Variants in PHACTR2 observed in about 807,000 individuals in gnomAD.
The protein encoded by PHACTR2 is phosphatase and actin regulator 2.
Under a neutral mutation model 76.0 loss-of-function variants are expected in PHACTR2, and 30 were observed. The observed-to-expected ratio is 0.39, with a 90% CI of 0.30 to 0.54. The LOEUF is 0.54. PHACTR2 is among the 20% of genes least tolerant of loss of function. The probability of loss-of-function intolerance (pLI) is 0.61; values close to 1 mark genes in which losing one functional copy is unlikely to be tolerated. For missense variants in PHACTR2, 696 were observed against 781.1 expected (o/e 0.89, Z 1.30); for synonymous variants, 292 against 292.5 (o/e 1.00, Z 0.02).
Position 143,765,933 on chromosome 6 carries a change from C to T in PHACTR2, c.1232+135C>T. 3 of 737,928 alleles carry T rather than the reference C, an allele frequency of 4.1e-6. No homozygotes were observed. The highest frequency in any genetic ancestry group is 3.8e-5 in the South Asian group (2 of 52,156). 45.7% of individuals were successfully genotyped at this position (737,928 alleles called of 1,614,324 possible). The stretch of plus-strand genomic sequence containing the variant: ...GTGTTAGGTAGGCATACATGTGATC[C>T]AACCATTGCTTTGTCAGAGCCCTGC... On this transcript the variant is annotated intron_variant, in intron 6 of 12. Transcript: ENST00000440869. This position sits in a 1 kb window ranked among gnomAD's most constrained non-coding sequence, Gnocchi z 4.1.
rs1486801042 is a variant in PHACTR2, at chr6:143,731,372, C to T, written c.215-17613C>T. Among the ~76,000 whole-genome samples the T allele has an allele frequency of 6.6e-6, 1 of 152,122 alleles. No individual in the cohort carries two copies. The highest frequency in any genetic ancestry group is 1.5e-5 in the Non-Finnish European group (1 of 68,026). ...GCACGGTCTTGGCTCACAGCAACCT[C>T]CGCCTCCCAGGTTCAAGTGATTCTC... On this transcript the variant is annotated intron_variant, in intron 2 of 12. Coordinates refer to ENST00000440869, the MANE Select transcript of PHACTR2 (RefSeq NM_001100164.2). This position sits in a 1 kb window ranked among gnomAD's most constrained non-coding sequence, Gnocchi z 4.9.
chr6:143,575,188 C>T (rs1358735407), intron 1 of PHACTR2, among the ~76,000 whole-genome samples: 2 of 152,144 alleles, frequency 1.3e-5, no homozygotes, highest in Non-Finnish European at 2.9e-5. Flanking sequence ...GAATTAATTT[C>T]TCCATATTGT....
chr6:143,814,154 G>C (rs192067818), intron 12 of PHACTR2, among the ~76,000 whole-genome samples: 50 of 152,238 alleles, frequency 3.3e-4, no homozygotes, highest in Admixed American at 9.2e-4. Context: ...TCAGGAGTTC[G>C]AGACGAGCTT....
Position 143,788,872 on chromosome 6 carries a change from G to A in PHACTR2, c.1807G>A (p.Ala603Thr), listed in dbSNP as rs1291676165. Residue 603 changes from alanine (A) to threonine (T), a missense_variant, in exon 11 of 13, where the codon GCA becomes ACA. Transcript: ENST00000440869. ...VTDSPDYDRR[A>T]DKPWARLTPA... is the part of the protein sequence containing the mutation. ...GGATTCTCCTGACTATGACCGCCGA[G>A]CAGACAAGCCCTGGGCCAGGTTAAC... 2.5e-6 allele frequency: 4 copies of A among 1,613,534 alleles called. No homozygotes were observed. The highest frequency in any genetic ancestry group is 3.4e-6 in the Non-Finnish European group (4 of 1,179,614).
rs117967381 is a variant in PHACTR2 at position 143,780,649 on chromosome 6, C to G, written c.1646-2570C>G. Among the ~76,000 whole-genome samples, 72 of 152,306 alleles carry G rather than the reference C, an allele frequency of 4.7e-4. No homozygotes were observed. In the East Asian group the frequency reaches 0.014, roughly 29 times the overall value. ...AAAATTCTCTGGGTAACATTGCTCG[C>G]TAGGCGGGTTTCCTGTGGTGCTTGC... is the stretch of plus-strand genomic sequence containing the variant. On this transcript the variant is annotated intron_variant, in intron 9 of 12. Transcript: ENST00000440869. This position sits in a 1 kb window ranked among gnomAD's most constrained non-coding sequence, Gnocchi z 4.4.
rs1259384977 is a variant in PHACTR2, at chr6:143,679,996, G to GT, written c.46+1793dup. ...CCAATCCATACATCATAAATACAGG[G>GT]TTTTTTATTTTTCAGTTAAGGAATG... On this transcript the variant is annotated intron_variant, in intron 1 of 12. Coordinates refer to ENST00000440869, the MANE Select transcript of PHACTR2 (RefSeq NM_001100164.2). This position sits in a 1 kb window ranked among gnomAD's most constrained non-coding sequence, Gnocchi z 4.6. Among the ~76,000 whole-genome samples, 1 of 152,050 alleles carries GT rather than the reference G, an allele frequency of 6.6e-6. No homozygotes were observed. The highest frequency in any genetic ancestry group is 1.5e-5 in the Non-Finnish European group (1 of 67,994).
rs113400573 is a variant in PHACTR2, at chr6:143,744,370, A to T, written c.215-4615A>T. ...AAATACACATATTTTTTCAAAGCCA[A>T]CAGCCTGCAAGTCAACGTTGGGGAC... On this transcript the variant is annotated intron_variant, in intron 2 of 12. Coordinates refer to ENST00000440869, the MANE Select transcript of PHACTR2 (RefSeq NM_001100164.2). Among the ~76,000 whole-genome samples, 1,017 of 152,320 alleles carry T rather than the reference A, an allele frequency of 6.7e-3. 5 individuals are homozygous for T. Among genetic ancestry groups the T allele is most frequent in the Non-Finnish European group, 0.01 (710 of 68,024 alleles).
At chr6:143,771,228 A>ATATATATG in intron 6 of PHACTR2, among the ~76,000 whole-genome samples, 1 of 99,556 alleles carries the variant, frequency 1.0e-5, no homozygotes, top group Non-Finnish European at 1.9e-5. Context: ...ATATATATAT[A>ATATATATG]TATATATGCT....
chr6:143,779,983 A>G (rs1490090315), intron 9 of PHACTR2, among the ~76,000 whole-genome samples: 2 of 149,484 alleles, frequency 1.3e-5, no homozygotes, highest in African/African-American at 2.4e-5. Context: ...GTTCCTAAAA[A>G]CTGATAAAAT....
rs184193821 is a variant in PHACTR2 at position 143,829,840 on chromosome 6, G to T, written c.*6151G>T. On this transcript the variant is annotated 3_prime_UTR_variant, in exon 13 of 13. Coordinates refer to ENST00000440869, the MANE Select transcript of PHACTR2 (RefSeq NM_001100164.2). ...TTGTAAGCTTTTAGATGGTGCTTAAGAATTCTTATCTTTTTAAATAGCAGT... is the reference window on the plus strand; with the variant it reads ...TTGTAAGCTTTTAGATGGTGCTTAATAATTCTTATCTTTTTAAATAGCAGT... The T allele has an allele frequency of 3.3e-5, 5 of 152,286 alleles. No individual in the cohort carries two copies. Among genetic ancestry groups the T allele is most frequent in the Admixed American group, 6.5e-5 (1 of 15,292 alleles). The allele number at this position is 152,286 out of a possible 1,614,324, so 9.4% of individuals were successfully genotyped here.
At position 143,689,377 on chromosome 6, in the gene PHACTR2, A is replaced by G. The variant is rs982518455; in HGVS notation, c.46+11168A>G. Among the ~76,000 whole-genome samples, 1 of 152,184 alleles carries G rather than the reference A, an allele frequency of 6.6e-6. No individual in the cohort carries two copies. The highest frequency in any genetic ancestry group is 2.4e-5 in the African/African-American group (1 of 41,432). On this transcript the variant is annotated intron_variant, in intron 1 of 12. Transcript: ENST00000440869. This position sits in a 1 kb window ranked among gnomAD's most constrained non-coding sequence, Gnocchi z 4.4. ...TAGGTATATGCCTGACACCAAAACT[A>G]TTTGTCAAATAAATGAATAGCTCTG... is the stretch of plus-strand genomic sequence containing the variant.
intron 1 of PHACTR2, among the ~76,000 whole-genome samples, chr6:143,540,479 TGCTGCAAACAGTCA>T (rs1291702154): frequency 6.6e-6 from 1 of 152,192 alleles, no homozygotes; most frequent in Non-Finnish European, 1.5e-5. Flanking sequence ...TCTTGCCCAC[TGCTGCAAACAGTCA>T]GTCTAATACT....
chr6:143,771,160 A>ATATATATATATGTATATATATATATGTG (rs1775101587), intron 6 of PHACTR2, among the ~76,000 whole-genome samples: 1 of 21,574 alleles, frequency 4.6e-5, no homozygotes, highest in Non-Finnish European at 8.7e-5. Context: ...ATATATATGT[A>ATATATATATATGTATATATATATATGTG]TATATATATA....
At chr6:143,720,848 G>A (rs6570577) in intron 2 of PHACTR2, among the ~76,000 whole-genome samples, 89,434 of 151,962 alleles carry the variant, frequency 0.59, 27,251 homozygotes, top group African/African-American at 0.75. Context: ...CCTGATCTCA[G>A]GTGATTCTCC....
intron 1 of PHACTR2, among the ~76,000 whole-genome samples, chr6:143,705,048 A>G (rs1778016534): frequency 6.6e-6 from 1 of 151,920 alleles, no homozygotes; most frequent in Admixed American, 6.6e-5. Context: ...GATGGTCTCC[A>G]TCTCCTGACC....
chr6:143,723,992 T>G (rs1778501802), intron 2 of PHACTR2, among the ~76,000 whole-genome samples: 1 of 152,026 alleles, frequency 6.6e-6, no homozygotes, highest in South Asian at 2.1e-4. Context: ...AGACAGAGTC[T>G]TGCTGTGTCT....
rs145189926 is a variant in PHACTR2, at chr6:143,722,641, T to C, written c.214+10458T>C. Among the ~76,000 whole-genome samples, 3,485 of 152,292 alleles carry C rather than the reference T, an allele frequency of 0.023. 120 individuals are homozygous for C. Among genetic ancestry groups the C allele is most frequent in the Admixed American group, 0.11 (1,629 of 15,300 alleles). ...TAGAAATAGTCCAGTTCCACTCTTTTAGTTATTTTGAGATATACAATATTG... is the reference window on the plus strand; with the variant it reads ...TAGAAATAGTCCAGTTCCACTCTTTCAGTTATTTTGAGATATACAATATTG... On this transcript the variant is annotated intron_variant, in intron 2 of 12. Transcript: ENST00000440869. The surrounding 1 kb of genome is among the most constrained non-coding windows in gnomAD (Gnocchi z 4.1).
chr6:143,830,261 T>C lies in PHACTR2; in HGVS notation c.*6572T>C, dbSNP rs1043198104. 6.6e-6 allele frequency: 1 copy of C among 151,640 alleles called. No individual in the cohort carries two copies. The highest frequency in any genetic ancestry group is 1.5e-5 in the Non-Finnish European group (1 of 67,924). 9.4% of individuals were successfully genotyped at this position (151,640 alleles called of 1,614,324 possible). A position where few individuals can be genotyped will look rare whatever the true frequency, so the allele number is the denominator to read the frequency against. On this transcript the variant is annotated 3_prime_UTR_variant, in exon 13 of 13. Transcript: ENST00000440869. ...CAATTTCACCAGATTTAGGACCTAT[T>C]AAAAATTCAAACAAGTTTCTTTTTT...
chr6:143,555,858 T>C (rs1334673420), intron 1 of PHACTR2, among the ~76,000 whole-genome samples: 1 of 151,960 alleles, frequency 6.6e-6, no homozygotes, highest in East Asian at 1.9e-4. Flanking sequence ...CACCTCAGGA[T>C]GGTTTCTTGA....
Sources: allele counts gnomAD v4.1 joint callset (sites outside exome capture counted in the v4.1 genomes callset), GRCh38; gene constraint gnomAD v4.1.1; non-coding constraint Gnocchi (gnomAD v3.1); transcripts MANE v1.5; gene names NCBI Gene and HGNC (gene_info 2026-07-23, HGNC 2026-07-21).